The following KCNQ1 variants were observed in gnomAD, a reference collection of about 807,000 sequenced individuals.
The protein encoded by KCNQ1 is potassium voltage-gated channel subfamily KQT member 1.
In KCNQ1, 49 loss-of-function variants were observed where a neutral mutation model predicts 72.4. That is an observed-to-expected ratio of 0.68 (90% CI 0.54 to 0.86). The LOEUF is 0.86. KCNQ1 is among the 40% of genes least tolerant of loss of function. The pLI, the probability that KCNQ1 is intolerant of heterozygous loss-of-function variation, is 0.00. For missense variants in KCNQ1, 790 were observed against 945.1 expected, an observed-to-expected ratio of 0.84 and a Z score of 2.15; for synonymous variants, 450 against 412.6, an observed-to-expected ratio of 1.09 and a Z score of -1.10.
rs182981279 is a variant in KCNQ1, at chr11:2,654,383, C to T, written c.1394-7578C>T. The T allele has an allele frequency of 7.5e-6, 3 of 398,520 alleles. No homozygotes were observed. The highest frequency in any genetic ancestry group is 2.5e-4 in the South Asian group (2 of 7,852). The allele number at this position is 398,520 out of a possible 1,614,324, so 24.7% of individuals were successfully genotyped here. A position where few individuals can be genotyped will look rare whatever the true frequency, so the allele number is the denominator to read the frequency against. On this transcript the variant is annotated intron_variant, in intron 10 of 15. Coordinates refer to ENST00000155840, the MANE Select transcript of KCNQ1 (RefSeq NM_000218.3). This position sits in a 1 kb window ranked among gnomAD's most constrained non-coding sequence, Gnocchi z 6.4. ...TGTTCATCCTTGTGAAGTAGGCTGG[C>T]TCAGGGAACTCGCCTGTGCCAAACC...
intron 14 of KCNQ1, chr11:2,777,726 G>C: frequency 1.6e-6 from 1 of 608,262 alleles, no homozygotes; most frequent in Non-Finnish European, 2.9e-6. Flanking sequence ...GCCCCCTAGG[G>C]CTCTCAGAGG....
intron 11 of KCNQ1, chr11:2,692,786 A>G: frequency 2.5e-6 from 1 of 398,656 alleles, no homozygotes. Context: ...TGTTTGACAA[A>G]TATTTCTTGA....
At chr11:2,831,727 C>T (rs894192206) in intron 15 of KCNQ1, among the ~76,000 whole-genome samples, 29 of 149,854 alleles carry the variant, frequency 1.9e-4, no homozygotes, top group African/African-American at 5.7e-4. Context: ...CTCCCCTCCC[C>T]GCTGCCCTCC....
intron 10 of KCNQ1, chr11:2,650,272 T>TA (rs1849736388): frequency 1.5e-5 from 6 of 398,498 alleles, no homozygotes; most frequent in Non-Finnish European, 2.7e-5. Context: ...CTTTGGAGTC[T>TA]ATTATTGGAG....
chr11:2,656,058 T>G (rs1849841403), intron 10 of KCNQ1: 1 of 398,554 alleles, frequency 2.5e-6, no homozygotes, highest in Non-Finnish European at 4.4e-6. Context: ...CCCTTGGCCC[T>G]CAGGCTTTGG....
chr11:2,762,801 C>A lies in KCNQ1; in HGVS notation c.1515-6043C>A, dbSNP rs1208297325. On this transcript the variant is annotated intron_variant, in intron 11 of 15. Coordinates refer to ENST00000155840, the MANE Select transcript of KCNQ1 (RefSeq NM_000218.3). This position sits in a 1 kb window ranked among gnomAD's most constrained non-coding sequence, Gnocchi z 4.3. ...GAACAGTTTCATCCTGAAACCATCT[C>A]CCCCCACCCCACCCCGTCCACGGAA... Among the ~76,000 whole-genome samples the A allele has an allele frequency of 1.3e-5, 2 of 152,130 alleles. No homozygotes were observed. The highest frequency in any genetic ancestry group is 4.8e-5 in the African/African-American group (2 of 41,422).
At chr11:2,728,127 A>AG (rs769429343) in intron 11 of KCNQ1, among the ~76,000 whole-genome samples, 88 of 152,172 alleles carry the variant, frequency 5.8e-4, no homozygotes, top group South Asian at 1.0e-3. Flanking sequence ...GCCTTTGCAC[A>AG]AATCCCTTCC....
intron 1 of KCNQ1, among the ~76,000 whole-genome samples, chr11:2,456,765 C>CAAAAAAAA (rs61437708): frequency 1.1e-3 from 34 of 31,960 alleles, no homozygotes; most frequent in East Asian, 4.5e-3. Context: ...ACTAAAAATC[C>CAAAAAAAA]AAAAAAAAAA....
At chr11:2,517,882 G>A (rs113474871) in intron 1 of KCNQ1, among the ~76,000 whole-genome samples, 5 of 152,344 alleles carry the variant, frequency 3.3e-5, no homozygotes, top group African/African-American at 4.8e-5. Context: ...GTGGCGGAAC[G>A]CTGCCTCAGT....
chr11:2,847,734 CACTG>C (rs1397780713), intron 15 of KCNQ1, 29 bp from the exon 16 acceptor site: 18 of 1,558,866 alleles, frequency 1.2e-5, no homozygotes, highest in Non-Finnish European at 1.5e-5. Context: ...TGCTTCCCAC[CACTG>C]ACTCTCTCGT....
chr11:2,828,232 G>T lies in KCNQ1; in HGVS notation c.1795-19535G>T, dbSNP rs1286030930. Among the ~76,000 whole-genome samples, 1 of 152,226 alleles carries T rather than the reference G, an allele frequency of 6.6e-6. No individual in the cohort carries two copies. Among genetic ancestry groups the T allele is most frequent in the Non-Finnish European group, 1.5e-5 (1 of 68,036 alleles). On this transcript the variant is annotated intron_variant, in intron 15 of 15. Transcript: ENST00000155840. This position sits in a 1 kb window ranked among gnomAD's most constrained non-coding sequence, Gnocchi z 5.3. ...AGAAAACTCTGAGAAGTCAGGACAG[G>T]AGATGGTGTCGTCAGGGGGCTGCTG...
chr11:2,644,428 G>A (rs182140821), intron 10 of KCNQ1: 2 of 398,180 alleles, frequency 5.0e-6, no homozygotes, highest in African/African-American at 4.1e-5. Flanking sequence ...TATCTGTTTG[G>A]TTCTTTTTAT....
At chr11:2,641,148 T>A (rs1022884858) in intron 10 of KCNQ1, 1 of 398,544 alleles carries the variant, frequency 2.5e-6, no homozygotes, top group African/African-American at 2.1e-5. Flanking sequence ...GGTACATTTT[T>A]AGTATACTGA....
In KCNQ1 at chr11:2,620,950, T is replaced by TTTG. The variant is rs769697099; in HGVS notation, c.1393+32098_1393+32099insGTT. On this transcript the variant is annotated intron_variant, in intron 10 of 15. Transcript: ENST00000155840. This position sits in a 1 kb window ranked among gnomAD's most constrained non-coding sequence, Gnocchi z 4.5. Reference sequence around the variant, plus strand: ...TTTTGTTGTTGTTGTTTTGTTTTGTTTTTTTTTGTCTGTTTTTTGCTTTTT... The same window carrying TTTG: ...TTTTGTTGTTGTTGTTTTGTTTTGTTTTGTTTTTTTGTCTGTTTTTTGCTTTTT... 988 of 394,214 alleles carry TTTG rather than the reference T, an allele frequency of 2.5e-3. 5 individuals are homozygous for TTTG. The highest frequency in any genetic ancestry group is 0.011 in the Middle Eastern group (18 of 1,580). 24.4% of individuals were successfully genotyped at this position (394,214 alleles called of 1,614,324 possible).
At position 2,516,816 on chromosome 11, in the gene KCNQ1, GC is replaced by G. The variant is rs940030290; in HGVS notation, c.387-11111del. On this transcript the variant is annotated intron_variant, in intron 1 of 15. Coordinates refer to ENST00000155840, the MANE Select transcript of KCNQ1 (RefSeq NM_000218.3). The surrounding 1 kb of genome is among the most constrained non-coding windows in gnomAD (Gnocchi z 7.0). ...TCTGGCCCAGAGGTGTGCCAGGGCTGCACTGGGCTCTTCTGGTGGGGAGGGA... is the reference window on the plus strand; with the variant it reads ...TCTGGCCCAGAGGTGTGCCAGGGCTGACTGGGCTCTTCTGGTGGGGAGGGA... Among the ~76,000 whole-genome samples the G allele has an allele frequency of 3.3e-5, 5 of 152,162 alleles. No individual in the cohort carries two copies. The highest frequency in any genetic ancestry group is 7.4e-5 in the Non-Finnish European group (5 of 68,016).
At position 2,682,875 on chromosome 11, in the gene KCNQ1, G is replaced by C. The variant is rs1210128097; in HGVS notation, c.1514+20794G>C. 2.5e-6 allele frequency: 1 copy of C among 398,500 alleles called. No homozygotes were observed. The highest frequency in any genetic ancestry group is 3.6e-5 in the East Asian group (1 of 28,082). The allele number at this position is 398,500 out of a possible 1,614,324, so 24.7% of individuals were successfully genotyped here. On this transcript the variant is annotated intron_variant, in intron 11 of 15. Coordinates refer to ENST00000155840, the MANE Select transcript of KCNQ1 (RefSeq NM_000218.3). The surrounding 1 kb of genome is among the most constrained non-coding windows in gnomAD (Gnocchi z 5.8). ...TTTGTAGACCAGGAAACTGAGGCTT[G>C]GGGATAGCAGATGTTCCCAGACAGA...
rs73404652 is a variant in KCNQ1, at chr11:2,559,646, G to A, written c.478-10982G>A. Among the ~76,000 whole-genome samples the A allele has an allele frequency of 0.041, 6,217 of 152,236 alleles. 452 individuals are homozygous for A. The highest frequency in any genetic ancestry group is 0.14 in the African/African-American group (5,797 of 41,512). On this transcript the variant is annotated intron_variant, in intron 2 of 15. Transcript: ENST00000155840. This position sits in a 1 kb window ranked among gnomAD's most constrained non-coding sequence, Gnocchi z 4.9. The stretch of plus-strand genomic sequence containing the variant: ...CTCTCGCTCACCAGGAAGAAGACAC[G>A]TCCGGGCAGCTGGCAGGTGGGGCTA...
rs868380609 is a variant in KCNQ1, at chr11:2,599,122, C to G, written c.1393+10268C>G. On this transcript the variant is annotated intron_variant, in intron 10 of 15. Coordinates refer to ENST00000155840, the MANE Select transcript of KCNQ1 (RefSeq NM_000218.3). The surrounding 1 kb of genome is among the most constrained non-coding windows in gnomAD (Gnocchi z 4.7). The stretch of plus-strand genomic sequence containing the variant: ...TTTTCTTATGTTTGCTTGGGCTCCC[C>G]TCCTCTCTGTTACCTATGTTGATAA... Among the ~76,000 whole-genome samples, 1 of 152,190 alleles carries G rather than the reference C, an allele frequency of 6.6e-6. No homozygotes were observed.
chr11:2,729,617 G>A (rs1220135126), intron 11 of KCNQ1, among the ~76,000 whole-genome samples: 2 of 152,188 alleles, frequency 1.3e-5, no homozygotes, highest in East Asian at 3.9e-4. Context: ...TTGTCTTGTC[G>A]TTATTCCCTA....
Sources: gnomAD v4.1 joint callset for allele counts (sites outside exome capture counted in the v4.1 genomes callset) on GRCh38, gnomAD v4.1.1 for gene constraint, Gnocchi (gnomAD v3.1) non-coding constraint, MANE v1.5 for transcripts, NCBI Gene and HGNC (gene_info 2026-07-23, HGNC 2026-07-21) for gene names.